KIRREL3: variants seen among roughly 807,000 people sequenced by gnomAD.
KIRREL3 encodes kirre like nephrin family adhesion molecule 3, also known as kin of IRRE-like protein 3.
Under a neutral mutation model 89.7 loss-of-function variants are expected in KIRREL3, and 36 were observed. The ratio of observed to expected loss-of-function variants is 0.40; its 90% CI spans 0.31 to 0.53. KIRREL3 has a LOEUF of 0.53. KIRREL3 is among the 20% of genes least tolerant of loss of function. KIRREL3 has a pLI of 0.49. For synonymous variants in KIRREL3, 445 were observed against 441.4 expected (o/e 1.01, Z -0.10); for missense variants, 864 against 1,056.6 (o/e 0.82, Z 2.53).
chr11:126,678,933 C>G (rs373734279), intron 1 of KIRREL3, among the ~76,000 whole-genome samples: 1 of 152,206 alleles, frequency 6.6e-6, no homozygotes, highest in Admixed American at 6.5e-5. Flanking sequence ...ACTCAAAAGC[C>G]GCTCCCAACT....
chr11:126,573,464 C>G (rs1941080410), intron 1 of KIRREL3, among the ~76,000 whole-genome samples: 1 of 151,910 alleles, frequency 6.6e-6, no homozygotes, highest in Non-Finnish European at 1.5e-5. Flanking sequence ...CCGCTTCCCC[C>G]ACCCACCCCA....
intron 1 of KIRREL3, among the ~76,000 whole-genome samples, chr11:126,700,043 A>T (rs1315638621): frequency 6.6e-6 from 1 of 152,124 alleles, no homozygotes; most frequent in African/African-American, 2.4e-5. Context: ...AAAATAAAAA[A>T]ATTCATTGAG....
chr11:126,772,028 G>A lies in KIRREL3; in HGVS notation c.56-209116C>T, dbSNP rs911259238. 6.6e-6 allele frequency among the ~76,000 whole-genome samples: 1 copy of A among 152,142 alleles called. No individual in the cohort carries two copies. Among genetic ancestry groups the A allele is most frequent in the Non-Finnish European group, 1.5e-5 (1 of 68,036 alleles). On this transcript the variant is annotated intron_variant, in intron 1 of 16. Transcript: ENST00000525144. This position sits in a 1 kb window ranked among gnomAD's most constrained non-coding sequence, Gnocchi z 4.6. ...GAGGTAGAGGAGAGGAGGCACTGTC[G>A]GGAAACCATGACCTTTCCACCTGTC...
chr11:126,718,552 G>A (rs1948055043), intron 1 of KIRREL3, among the ~76,000 whole-genome samples: 1 of 152,194 alleles, frequency 6.6e-6, no homozygotes, highest in Non-Finnish European at 1.5e-5. Context: ...AAGTTTCTCT[G>A]GATGAGTCAG....
At chr11:126,567,371 C>A (rs549974516) in intron 1 of KIRREL3, among the ~76,000 whole-genome samples, 1 of 152,350 alleles carries the variant, frequency 6.6e-6, no homozygotes, top group African/African-American at 2.4e-5. Context: ...AGATCCTTCC[C>A]TCCCAGCCCT....
chr11:126,695,572 C>T (rs564279474), intron 1 of KIRREL3, among the ~76,000 whole-genome samples: 92 of 152,270 alleles, frequency 6.0e-4, no homozygotes, highest in Non-Finnish European at 2.6e-4. Flanking sequence ...CTAGAGACAC[C>T]GGTGTGTCCT....
rs12269776 is a variant in KIRREL3 at position 126,521,402 on chromosome 11, T to G, written c.346A>C (p.Arg116=). The part of the protein sequence containing the change: ...LSGEHHLKIL[R]AELQDDAVYE... ...ACCGCATCGTCTTGCAGCTCTGCCC[T>G]CAGGATCTTCAGGTGGTGCTCCCCT... Residue 116 remains arginine (R), a synonymous_variant, in exon 4 of 17, where the codon AGG becomes CGG. Coordinates refer to ENST00000525144, the MANE Select transcript of KIRREL3 (RefSeq NM_032531.4). This position sits in a 1 kb window ranked among gnomAD's most constrained non-coding sequence, Gnocchi z 4.1. 344,259 of 1,570,166 alleles carry G rather than the reference T, an allele frequency of 0.22. 41,731 individuals carry two copies. The highest frequency in any genetic ancestry group is 0.46 in the African/African-American group (33,736 of 73,760).
chr11:126,446,300 T>C (rs199773509), intron 9 of KIRREL3, among the ~76,000 whole-genome samples: 20 of 148,776 alleles, frequency 1.3e-4, no homozygotes, highest in African/African-American at 4.0e-4. Context: ...CTTTCTTTCT[T>C]TCTCTCTCTC....
At chr11:126,949,734 G>C (rs897335100) in intron 1 of KIRREL3, among the ~76,000 whole-genome samples, 2 of 152,156 alleles carry the variant, frequency 1.3e-5, no homozygotes, top group African/African-American at 4.8e-5. Context: ...AAATTCAGTG[G>C]TCACCAACTG....
At chr11:126,440,422 C>G in intron 11 of KIRREL3, 27 bp downstream of exon 11, 1 of 1,547,978 alleles carries the variant, frequency 6.5e-7, no homozygotes, top group South Asian at 1.2e-5. Context: ...TGGCCCGGCC[C>G]CCGCCCGCCG....
chr11:126,735,901 G>C (rs916322049), intron 1 of KIRREL3, among the ~76,000 whole-genome samples: 1 of 152,110 alleles, frequency 6.6e-6, no homozygotes, highest in Admixed American at 6.5e-5. Context: ...GATACTGAAG[G>C]TACAAAATAA....
intron 1 of KIRREL3, among the ~76,000 whole-genome samples, chr11:126,880,532 GT>G (rs1390349500): frequency 2.0e-5 from 3 of 152,054 alleles, no homozygotes; most frequent in Non-Finnish European, 4.4e-5. Context: ...AAAATTAGAT[GT>G]CATTGTGAAA....
chr11:126,460,703 G>C lies in KIRREL3; in HGVS notation c.742+2454C>G, dbSNP rs529172445. ...TGCAGACTGTCACCTGCACCCTGTTGAACGATCTTCTGTGGGCATGAGTGC... is the reference window on the plus strand; with the variant it reads ...TGCAGACTGTCACCTGCACCCTGTTCAACGATCTTCTGTGGGCATGAGTGC... On this transcript the variant is annotated intron_variant, in intron 6 of 16. Coordinates refer to ENST00000525144, the MANE Select transcript of KIRREL3 (RefSeq NM_032531.4). 3.1e-4 allele frequency among the ~76,000 whole-genome samples: 47 copies of C among 152,288 alleles called. No individual in the cohort carries two copies. In the South Asian group the frequency reaches 8.9e-3, roughly 29 times the overall value.
rs945892495 is a variant in KIRREL3 at position 126,574,314 on chromosome 11, T to G, written c.56-11402A>C. ...GTAAAACCAAACTCCCCCACCTCCT[T>G]CAGAGCCCCATATCCAAGCTGGTGG... On this transcript the variant is annotated intron_variant, in intron 1 of 16. Coordinates refer to ENST00000525144, the MANE Select transcript of KIRREL3 (RefSeq NM_032531.4). The surrounding 1 kb of genome is among the most constrained non-coding windows in gnomAD (Gnocchi z 5.3). 7.2e-5 allele frequency among the ~76,000 whole-genome samples: 11 copies of G among 152,206 alleles called. No homozygotes were observed. The highest frequency in any genetic ancestry group is 2.1e-4 in the South Asian group (1 of 4,824).
Position 126,990,651 on chromosome 11 carries a change from C to G in KIRREL3, c.55+9804G>C, listed in dbSNP as rs750964220. Among the ~76,000 whole-genome samples, 91 of 152,240 alleles carry G rather than the reference C, an allele frequency of 6.0e-4. No individual in the cohort carries two copies. Among genetic ancestry groups the G allele is most frequent in the Admixed American group, 8.5e-4 (13 of 15,290 alleles). The stretch of plus-strand genomic sequence containing the variant: ...GCGGCTTCAGAAGAACAGCTCCTCT[C>G]TGCCTCCGCAGTTGCCCCTCACTCA... On this transcript the variant is annotated intron_variant, in intron 1 of 16. Coordinates refer to ENST00000525144, the MANE Select transcript of KIRREL3 (RefSeq NM_032531.4). The surrounding 1 kb of genome is among the most constrained non-coding windows in gnomAD (Gnocchi z 6.3).
rs1375492073 is a variant in KIRREL3, at chr11:126,441,737, A to G, written c.1253-1188T>C. Among the ~76,000 whole-genome samples, 1 of 152,204 alleles carries G rather than the reference A, an allele frequency of 6.6e-6. No homozygotes were observed. The highest frequency in any genetic ancestry group is 1.5e-5 in the Non-Finnish European group (1 of 68,034). ...TCTATGAGTAGCTCTCAGCCAAGGG[A>G]GAAAAGGTACTGTAGACACTCCAGT... On this transcript the variant is annotated intron_variant, in intron 10 of 16. Transcript: ENST00000525144. The surrounding 1 kb of genome is among the most constrained non-coding windows in gnomAD (Gnocchi z 5.0).
intron 1 of KIRREL3, among the ~76,000 whole-genome samples, chr11:126,699,747 G>GA (rs971454705): frequency 6.6e-6 from 1 of 152,096 alleles, no homozygotes; most frequent in Non-Finnish European, 1.5e-5. Flanking sequence ...TTATTAAGGA[G>GA]AAAAAATTGT....
chr11:126,939,873 G>A (rs946893908), intron 1 of KIRREL3, among the ~76,000 whole-genome samples: 1 of 152,078 alleles, frequency 6.6e-6, no homozygotes, highest in African/African-American at 2.4e-5. Flanking sequence ...CTTTCCCAAG[G>A]TCACTCTGGG....
chr11:126,770,640 T>A (rs1253658454), intron 1 of KIRREL3, among the ~76,000 whole-genome samples: 6 of 152,158 alleles, frequency 3.9e-5, no homozygotes, highest in African/African-American at 1.4e-4. Context: ...ACTCAGACAC[T>A]CTGCACAGAG....
Sources: allele counts gnomAD v4.1 joint callset (sites outside exome capture counted in the v4.1 genomes callset), GRCh38; gene constraint gnomAD v4.1.1; non-coding constraint Gnocchi (gnomAD v3.1); transcripts MANE v1.5; gene names NCBI Gene and HGNC (gene_info 2026-07-23, HGNC 2026-07-21).